HEMK2: variants seen among roughly 807,000 people sequenced by gnomAD.
The protein encoded by HEMK2 is methyltransferase HEMK2.
the HEMK2 span, among the ~76,000 whole-genome samples, chr21:28,606,720 G>C: frequency 7.9e-5 from 12 of 152,148 alleles, no homozygotes; most frequent in African/African-American, 2.9e-4. Context: ...AATATGCACA[G>C]TGGTTACAGT....
At chr21:28,704,055 G>GT in the HEMK2 span, among the ~76,000 whole-genome samples, 1 of 152,110 alleles carries the variant, frequency 6.6e-6, no homozygotes, top group Non-Finnish European at 1.5e-5. Flanking sequence ...CCAAACTATT[G>GT]TTTTGGAAGT....
the HEMK2 span, among the ~76,000 whole-genome samples, chr21:28,634,854 G>C: frequency 1.1e-3 from 166 of 152,256 alleles, 1 homozygote; most frequent in African/African-American, 3.8e-3. Context: ...GCTATGTGAT[G>C]CATATGTTAA....
At chr21:28,672,974 T>TA in the HEMK2 span, among the ~76,000 whole-genome samples, 4 of 88,296 alleles carry the variant, frequency 4.5e-5, no homozygotes, top group African/African-American at 1.3e-4. Flanking sequence ...AGAAAAAAAA[T>TA]AAAAAAAGAG....
the HEMK2 span, among the ~76,000 whole-genome samples, chr21:28,764,508 T>G: frequency 2.0e-5 from 3 of 152,242 alleles, no homozygotes; most frequent in Non-Finnish European, 4.4e-5. Flanking sequence ...CTGTTTTACT[T>G]CTAGCACACT....
chr21:28,671,423 C>T, the HEMK2 span: 1 of 152,200 alleles, frequency 6.6e-6, no homozygotes, highest in Non-Finnish European at 1.5e-5. Context: ...TGCAGGCAAC[C>T]TCTTCCTCTG....
chr21:28,876,523 A>C, the HEMK2 span: 2 of 1,476,440 alleles, frequency 1.4e-6, no homozygotes, highest in South Asian at 1.2e-5. Flanking sequence ...AAAATCCATT[A>C]AGCCATTTGG....
the HEMK2 span, among the ~76,000 whole-genome samples, chr21:28,598,968 G>T: frequency 2.6e-5 from 4 of 152,328 alleles, no homozygotes; most frequent in East Asian, 5.8e-4. Flanking sequence ...TGGCAGTAAA[G>T]GATTGAAGGT....
chr21:28,642,800 A>G, the HEMK2 span, among the ~76,000 whole-genome samples: 1 of 152,162 alleles, frequency 6.6e-6, no homozygotes, highest in Non-Finnish European at 1.5e-5. Context: ...TTCTCTGCTC[A>G]CTGCTCAGCT....
the HEMK2 span, among the ~76,000 whole-genome samples, chr21:28,703,532 C>T: frequency 1.3e-5 from 2 of 152,140 alleles, no homozygotes; most frequent in African/African-American, 4.8e-5. Flanking sequence ...CTCCATGTTA[C>T]TGACATTGTA....
chr21:28,772,524 G>C, the HEMK2 span, among the ~76,000 whole-genome samples: 6 of 152,108 alleles, frequency 3.9e-5, no homozygotes, highest in Non-Finnish European at 7.4e-5. Flanking sequence ...TTATACCTTA[G>C]AATGCTCTTA....
the HEMK2 span, among the ~76,000 whole-genome samples, chr21:28,776,766 G>A: frequency 1.3e-5 from 2 of 152,160 alleles, no homozygotes; most frequent in African/African-American, 4.8e-5. Flanking sequence ...GGAGTCCAAT[G>A]TTCAAGGGCA....
chr21:28,883,351 G>T, the HEMK2 span, among the ~76,000 whole-genome samples: 3 of 152,070 alleles, frequency 2.0e-5, no homozygotes, highest in Non-Finnish European at 4.4e-5. Context: ...ACATTAAAAA[G>T]TATGGAAAAA....
the HEMK2 span, among the ~76,000 whole-genome samples, chr21:28,635,979 C>T: frequency 2.6e-5 from 4 of 152,148 alleles, no homozygotes; most frequent in African/African-American, 9.7e-5. Context: ...TTGGACAACA[C>T]ATGCATAGAC....
chr21:28,763,621 T>C, the HEMK2 span, among the ~76,000 whole-genome samples: 1 of 152,046 alleles, frequency 6.6e-6, no homozygotes, highest in Non-Finnish European at 1.5e-5. Flanking sequence ...AGCAGTCTTA[T>C]CAGAAGAATG....
At chr21:28,698,158 T>TTGATA in the HEMK2 span, among the ~76,000 whole-genome samples, 2 of 152,162 alleles carry the variant, frequency 1.3e-5, no homozygotes, top group Non-Finnish European at 2.9e-5. Flanking sequence ...ATATATGAAT[T>TTGATA]TAGGAAACAC....
the HEMK2 span, among the ~76,000 whole-genome samples, chr21:28,592,013 C>G: frequency 2.0e-5 from 3 of 152,078 alleles, no homozygotes; most frequent in Admixed American, 6.6e-5. Context: ...AAGGAACATA[C>G]GCATGCATGT....
the HEMK2 span, among the ~76,000 whole-genome samples, chr21:28,757,878 G>T: frequency 2.0e-5 from 3 of 152,148 alleles, no homozygotes; most frequent in African/African-American, 7.2e-5. Context: ...TGCAACCAGA[G>T]GAAATACAGC....
the HEMK2 span, among the ~76,000 whole-genome samples, chr21:28,846,319 T>C: frequency 6.6e-6 from 1 of 152,204 alleles, no homozygotes; most frequent in Non-Finnish European, 1.5e-5. Context: ...TACCCAGTAA[T>C]GGGATTGCTG....
the HEMK2 span, among the ~76,000 whole-genome samples, chr21:28,785,610 C>T: frequency 7.9e-5 from 12 of 152,172 alleles, no homozygotes; most frequent in Admixed American, 1.3e-4. Context: ...TGAAAAGGTG[C>T]GCATTTCTGC....
Sources: gnomAD v4.1 joint callset for allele counts (sites outside exome capture counted in the v4.1 genomes callset) on GRCh38, gnomAD v4.1.1 for gene constraint, MANE v1.5 for transcripts, NCBI Gene and HGNC (gene_info 2026-07-23, HGNC 2026-07-21) for gene names.